The following LHFPL6 variants were observed in gnomAD, a reference collection of about 807,000 sequenced individuals.
The protein encoded by LHFPL6 is LHFPL tetraspan subfamily member 6.
In LHFPL6, 9 loss-of-function variants were observed where a neutral mutation model predicts 20.6. That is an observed-to-expected ratio of 0.44 (90% CI 0.26 to 0.76). The LOEUF is 0.76. Among genes scored for constraint, LHFPL6 ranks in the 30% least tolerant of loss-of-function variants. The pLI, the probability that LHFPL6 is intolerant of heterozygous loss-of-function variation, is 0.20. For missense variants in LHFPL6, 218 were observed against 253.5 expected (o/e 0.86, Z 0.95); for synonymous variants, 105 against 98.7 (o/e 1.06, Z -0.38).
chr13:39,503,679 G>T (rs989550017), intron 2 of LHFPL6, among the ~76,000 whole-genome samples: 1 of 152,184 alleles, frequency 6.6e-6, no homozygotes, highest in African/African-American at 2.4e-5. Context: ...ATAATTGAAA[G>T]AAATTTTACA....
At chr13:39,368,583 CA>C (rs1161372215) in intron 3 of LHFPL6, among the ~76,000 whole-genome samples, 1 of 136,278 alleles carries the variant, frequency 7.3e-6, no homozygotes, top group Non-Finnish European at 1.6e-5. Flanking sequence ...TCCGTCTCAA[CA>C]ACAACAATAA....
chr13:39,571,629 C>T (rs1427872652), intron 2 of LHFPL6, among the ~76,000 whole-genome samples: 4 of 152,030 alleles, frequency 2.6e-5, no homozygotes, highest in Non-Finnish European at 4.4e-5. Context: ...CCACTGATTG[C>T]GGGTATCCAG....
At chr13:39,524,749 A>T (rs1212089112) in intron 2 of LHFPL6, among the ~76,000 whole-genome samples, 1 of 152,198 alleles carries the variant, frequency 6.6e-6, no homozygotes, top group Non-Finnish European at 1.5e-5. Context: ...GCCTCCTGCT[A>T]TTACAGAATT....
chr13:39,494,516 C>T (rs1299686469), intron 2 of LHFPL6, among the ~76,000 whole-genome samples: 2 of 152,106 alleles, frequency 1.3e-5, no homozygotes, highest in African/African-American at 4.8e-5. Flanking sequence ...CCGCTCACTC[C>T]CATACAGCCC....
intron 2 of LHFPL6, among the ~76,000 whole-genome samples, chr13:39,542,099 A>T (rs964070915): frequency 3.2e-3 from 308 of 96,538 alleles, no homozygotes; most frequent in African/African-American, 0.013. Flanking sequence ...TCAAAAATAT[A>T]ATAATAATAA....
chr13:39,516,969 CT>C (rs1163952601), intron 2 of LHFPL6, among the ~76,000 whole-genome samples: 1 of 152,214 alleles, frequency 6.6e-6, no homozygotes, highest in East Asian at 1.9e-4. Context: ...GTGATTAAAT[CT>C]TCCACGTTGG....
intron 2 of LHFPL6, among the ~76,000 whole-genome samples, chr13:39,490,025 C>T (rs1271547236): frequency 2.0e-5 from 3 of 152,018 alleles, no homozygotes; most frequent in Non-Finnish European, 2.9e-5. Context: ...AAATCAAATC[C>T]AAACTGCTAT....
At chr13:39,425,116 T>G (rs561203701) in intron 2 of LHFPL6, among the ~76,000 whole-genome samples, 2 of 152,242 alleles carry the variant, frequency 1.3e-5, no homozygotes, top group African/African-American at 4.8e-5. Context: ...TTGCTTTCAA[T>G]CATAACAGGT....
chr13:39,591,815 G>A (rs1055241138), intron 2 of LHFPL6, among the ~76,000 whole-genome samples: 1 of 152,176 alleles, frequency 6.6e-6, no homozygotes, highest in Non-Finnish European at 1.5e-5. Flanking sequence ...TTGTATTGAG[G>A]TTGGGTGCAG....
At chr13:39,410,589 C>T (rs966044194) in intron 2 of LHFPL6, among the ~76,000 whole-genome samples, 13 of 152,050 alleles carry the variant, frequency 8.5e-5, no homozygotes, top group African/African-American at 2.2e-4. Flanking sequence ...AAGACAGTCA[C>T]GAAAAACAGG....
At chr13:39,523,537 G>A (rs1467699439) in intron 2 of LHFPL6, among the ~76,000 whole-genome samples, 2 of 120,156 alleles carry the variant, frequency 1.7e-5, no homozygotes, top group African/African-American at 6.8e-5. Context: ...GCGAGACTCC[G>A]TCTCAAAAGG....
chr13:39,448,777 G>C (rs1872361926), intron 2 of LHFPL6, among the ~76,000 whole-genome samples: 1 of 152,162 alleles, frequency 6.6e-6, no homozygotes, highest in African/African-American at 2.4e-5. Flanking sequence ...TATTTAAAAT[G>C]CCTGTAACAG....
intron 2 of LHFPL6, among the ~76,000 whole-genome samples, chr13:39,429,971 A>C (rs1233478778): frequency 1.3e-5 from 2 of 151,762 alleles, no homozygotes; most frequent in African/African-American, 4.8e-5. Flanking sequence ...AACACTAACT[A>C]CTCCTTCTCT....
Position 39,418,941 on chromosome 13 carries a change from C to T in LHFPL6, c.386-40415G>A, listed in dbSNP as rs539740711. Among the ~76,000 whole-genome samples, 182 of 152,286 alleles carry T rather than the reference C, an allele frequency of 1.2e-3. 6 individuals carry two copies. The South Asian group carries it at 0.037, about 31-fold the overall frequency. ...AATGTTTAGTGATACACAAATATTG[C>T]TGCCCAATGATCAGAATACAGATTC... is the stretch of plus-strand genomic sequence containing the variant. On this transcript the variant is annotated intron_variant, in intron 2 of 3. Coordinates refer to ENST00000379589, the MANE Select transcript of LHFPL6 (RefSeq NM_005780.3).
At position 39,435,860 on chromosome 13, in the gene LHFPL6, C is replaced by T. The variant is rs550741912; in HGVS notation, c.386-57334G>A. ...ATCAAAACAACCTATTGAAACAGGT[C>T]ATATGCATACATATGAGAACTTATT... is the stretch of plus-strand genomic sequence containing the variant. On this transcript the variant is annotated intron_variant, in intron 2 of 3. Coordinates refer to ENST00000379589, the MANE Select transcript of LHFPL6 (RefSeq NM_005780.3). Among the ~76,000 whole-genome samples the T allele has an allele frequency of 2.0e-5, 3 of 152,204 alleles. No individual in the cohort carries two copies. The East Asian group carries it at 5.8e-4, about 29-fold the overall frequency.
In LHFPL6 at chr13:39,378,449, T is replaced by A; in HGVS notation, c.463A>T (p.Thr155Ser). ...TTACCCAGGTCAAACTGGCCAGAAG[T>A]GTAGCCACAAGTCTGCCGGACTTCC... ...SEEVRQTCGY[T>S]SGQFDLGKCE... Residue 155 changes from threonine to serine, a missense_variant, in exon 3 of 4, where the codon ACT becomes TCT. Thr to Ser is a moderately conservative substitution (Grantham distance 58). Transcript: ENST00000379589. The A allele has an allele frequency of 1.2e-6, 2 of 1,613,898 alleles. No homozygotes were observed. The highest frequency in any genetic ancestry group is 1.7e-6 in the Non-Finnish European group (2 of 1,179,918).
intron 2 of LHFPL6, among the ~76,000 whole-genome samples, chr13:39,556,468 C>A (rs551318824): frequency 6.6e-6 from 1 of 152,308 alleles, no homozygotes; most frequent in East Asian, 1.9e-4. Flanking sequence ...ACCCCTGTTA[C>A]ACCCTGGCGA....
At chr13:39,427,874 A>G (rs921394612) in intron 2 of LHFPL6, among the ~76,000 whole-genome samples, 1 of 152,210 alleles carries the variant, frequency 6.6e-6, no homozygotes, top group East Asian at 1.9e-4. Flanking sequence ...CCGTCATCTT[A>G]GTTAATTTGA....
intron 2 of LHFPL6, among the ~76,000 whole-genome samples, chr13:39,544,185 GA>G (rs1870900499): frequency 6.6e-6 from 1 of 152,260 alleles, no homozygotes; most frequent in South Asian, 2.1e-4. Flanking sequence ...AAAAGAGGGG[GA>G]AATTGATAAC....
Sources: gnomAD v4.1 joint callset for allele counts (sites outside exome capture counted in the v4.1 genomes callset) on GRCh38, gnomAD v4.1.1 for gene constraint, MANE v1.5 for transcripts, NCBI Gene and HGNC (gene_info 2026-07-23, HGNC 2026-07-21) for gene names.